The following SMTN variants were observed in gnomAD, a reference collection of about 807,000 sequenced individuals.
The protein encoded by SMTN is smoothelin.
In SMTN, 58 loss-of-function variants were observed where a neutral mutation model predicts 102.0. The observed-to-expected ratio is 0.57, with a 90% confidence interval of 0.46 to 0.71. The LOEUF is 0.71. Among genes scored for constraint, SMTN ranks in the 30% least tolerant of loss-of-function variants. The probability of loss-of-function intolerance (pLI) is 0.00; values close to 1 mark genes in which losing one functional copy is unlikely to be tolerated. For synonymous variants in SMTN, 478 were observed against 497.9 expected (o/e 0.96, Z 0.53); for missense variants, 1,185 against 1,241.7 (o/e 0.95, Z 0.69).
At chr22:31,099,520 C>G (rs1308894558) in intron 18 of SMTN, 2 of 594,142 alleles carry the variant, frequency 3.4e-6, no homozygotes. Context: ...ATAGCCTTAG[C>G]TGGGTGGCGC....
At chr22:31,098,545 G>A in intron 16 of SMTN, 122 bp from the exon 17 acceptor site, 1 of 897,034 alleles carries the variant, frequency 1.1e-6, no homozygotes, top group Non-Finnish European at 1.7e-6. Flanking sequence ...CTCCCTGGCA[G>A]GCGTTTGTGG....
At chr22:31,082,588 T>A in intron 1 of SMTN, 1 of 545,090 alleles carries the variant, frequency 1.8e-6, no homozygotes, top group South Asian at 1.5e-5. Flanking sequence ...GAATTCTGTA[T>A]GAATTGGCAG....
At chr22:31,082,859 C>T in intron 1 of SMTN, 1 of 1,530,888 alleles carries the variant, frequency 6.5e-7, no homozygotes. Context: ...TTGGGTGGGT[C>T]TTGCCAGGCC....
At chr22:31,091,566 C>A in intron 10 of SMTN, 84 bp downstream of exon 10, 1 of 1,507,616 alleles carries the variant, frequency 6.6e-7, no homozygotes, top group South Asian at 1.3e-5. Context: ...GCGGCCAGGA[C>A]TCAGGGTGTC....
intron 11 of SMTN, among the ~76,000 whole-genome samples, chr22:31,092,283 G>A (rs2043197105): frequency 1.3e-5 from 2 of 152,202 alleles, no homozygotes; most frequent in South Asian, 4.1e-4. Flanking sequence ...TCCAAGATCA[G>A]CCTGGCCCAT....
upstream of SMTN, among the ~76,000 whole-genome samples, chr22:31,077,103 T>C (rs1276620634): frequency 6.6e-6 from 1 of 152,210 alleles, no homozygotes; most frequent in East Asian, 1.9e-4. Flanking sequence ...TGGTAGAATA[T>C]GGTGATTAAG....
chr22:31,072,239 A>T (rs2042022338), intron 1 of SMTN, among the ~76,000 whole-genome samples: 1 of 152,060 alleles, frequency 6.6e-6, no homozygotes, highest in African/African-American at 2.4e-5. Context: ...ATAAGGTTGG[A>T]AGTATTAGCT....
chr22:31,075,658 G>A (rs1277446038), intron 1 of SMTN, among the ~76,000 whole-genome samples: 1 of 150,866 alleles, frequency 6.6e-6, no homozygotes, highest in Non-Finnish European at 1.5e-5. Context: ...TCTAGTCTGG[G>A]TGACAGAGCG....
At chr22:31,101,125 G>C in intron 20 of SMTN, 76 bp downstream of exon 20, 1 of 1,366,678 alleles carries the variant, frequency 7.3e-7, no homozygotes, top group African/African-American at 1.4e-5. Context: ...GTCCAGGGAG[G>C]CGGGTGGGGG....
At chr22:31,081,080 T>G (rs987676462), upstream of SMTN, among the ~76,000 whole-genome samples, 1 of 149,964 alleles carries the variant, frequency 6.7e-6, no homozygotes, top group African/African-American at 2.5e-5. Flanking sequence ...AGAGCCTGCG[T>G]CCCCCTGCCG....
rs2043938798 is a variant in SMTN, at chr22:31,099,962, C to T, written c.2603+66C>T. ...TGGGGCTGGACATCGGGACCAGGCC[C>T]AGTTGCCCTGAGAACCCCTGGAGCG... On this transcript the variant is annotated intron_variant, in intron 19 of 20. Transcript: ENST00000333137. The T allele has an allele frequency of 4.5e-6, 7 of 1,545,814 alleles. No homozygotes were observed. In the South Asian group the frequency reaches 8.1e-5, roughly 18 times the overall value.
At position 31,095,407 on chromosome 22, in the gene SMTN, C is replaced by T. The variant is rs777289625; in HGVS notation, c.1737C>T (p.Ser579=). 92 of 1,614,092 alleles carry T rather than the reference C, an allele frequency of 5.7e-5. No individual in the cohort carries two copies. Among genetic ancestry groups the T allele is most frequent in the South Asian group, 5.6e-4 (51 of 91,090 alleles). Residue 579 remains serine (S), a synonymous_variant, in exon 12 of 21, where the codon AGC becomes AGT. Coordinates refer to ENST00000333137, the MANE Select transcript of SMTN (RefSeq NM_134269.3). The surrounding 1 kb of genome is among the most constrained non-coding windows in gnomAD (Gnocchi z 4.1). Reference sequence around the variant, plus strand: ...CACCAGAAGGGCGGAGCCCTCTGAGCGCTGAGGAGCTGATGACTATTGAGG... The same window carrying T: ...CACCAGAAGGGCGGAGCCCTCTGAGTGCTGAGGAGCTGATGACTATTGAGG... ...NKAPEGRSPL[S]AEELMTIEDE...
At position 31,093,876 on chromosome 22, in the gene SMTN, C is replaced by T. The variant is rs745556466; in HGVS notation, c.1633-1427C>T. Reference sequence around the variant, plus strand: ...CCGGCACCACCCGCAGCACTAGTCTCGTAAGTGCTTCTGGGTTGGTGGGAG... The same window carrying T: ...CCGGCACCACCCGCAGCACTAGTCTTGTAAGTGCTTCTGGGTTGGTGGGAG... On this transcript the variant is annotated intron_variant, in intron 11 of 20. Transcript: ENST00000333137. 60 of 1,558,142 alleles carry T rather than the reference C, an allele frequency of 3.9e-5. 1 individual carries two copies. Among genetic ancestry groups the T allele is most frequent in the South Asian group, 3.3e-4 (28 of 84,416 alleles).
At chr22:31,102,522 AG>A (rs2147828712) in intron 20 of SMTN, 2 of 152,476 alleles carry the variant, frequency 1.3e-5, no homozygotes, top group Non-Finnish European at 2.9e-5. Flanking sequence ...TCAGAGAAGG[AG>A]CACAGATGAG....
intron 8 of SMTN, 108 bp from the exon 9 acceptor site, chr22:31,090,700 T>C (rs1193449097): frequency 2.3e-6 from 2 of 883,912 alleles, no homozygotes; most frequent in East Asian, 4.9e-5. Context: ...CAGGAAAGGG[T>C]GGGAAGCTAG....
Position 31,099,131 on chromosome 22 carries a change from C to A in SMTN, c.2403C>A (p.Ile801=), listed in dbSNP as rs1332374159. The stretch of plus-strand genomic sequence containing the variant: ...TCGGGGTCCCCAACGCCAACAGCAT[C>A]AAGCAGATGCTGCTGGACTGGTGTC... ...TSFGVPNANS[I]KQMLLDWCRA... is the part of the protein sequence containing the mutation. Residue 801 remains isoleucine (I), a synonymous_variant, in exon 18 of 21, where the codon ATC becomes ATA. Coordinates refer to ENST00000333137, the MANE Select transcript of SMTN (RefSeq NM_134269.3). 6.2e-7 allele frequency: 1 copy of A among 1,613,378 alleles called. No homozygotes were observed. The highest frequency in any genetic ancestry group is 1.1e-5 in the South Asian group (1 of 91,082).
rs1198660415 is a variant in SMTN, at chr22:31,070,034, G to T, written c.-386+5847G>T. Among the ~76,000 whole-genome samples the T allele has an allele frequency of 2.6e-5, 4 of 152,176 alleles. 1 individual carries two copies. In the South Asian group the frequency reaches 8.3e-4, roughly 32 times the overall value. On this transcript the variant is annotated intron_variant, in intron 1 of 3. Coordinates refer to the SMTN transcript ENST00000422839. Reference sequence around the variant, plus strand: ...TTGAGCAGGGGAGTGACATGTTGAAGAGGAAAGTGAAGCAGGCCACCTGTG... The same window carrying T: ...TTGAGCAGGGGAGTGACATGTTGAATAGGAAAGTGAAGCAGGCCACCTGTG...
Position 31,096,774 on chromosome 22 carries a change from C to G in SMTN, c.1903C>G (p.Arg635Gly). 1.3e-6 allele frequency: 2 copies of G among 1,559,948 alleles called. No homozygotes were observed. Among genetic ancestry groups the G allele is most frequent in the South Asian group, 1.2e-5 (1 of 82,870 alleles). ...KERERRLQEA[R>G]GRPGEGRGNT... ...GCGGGAACGGCGGCTGCAGGAGGCA[C>G]GGGGCCGGCCAGGGGAGGGGCGCGG... is the stretch of plus-strand genomic sequence containing the variant. Residue 635 changes from arginine to glycine, a missense_variant, in exon 14 of 21, where the codon CGG becomes GGG. Around this residue, in one of 2 missense-constraint regions of SMTN, gnomAD observed 1,096 missense variants for 1,112.7 expected, o/e 0.98. Coordinates refer to ENST00000333137, the MANE Select transcript of SMTN (RefSeq NM_134269.3).
intron 2 of SMTN, among the ~76,000 whole-genome samples, chr22:31,084,489 G>A (rs1013612573): frequency 6.6e-6 from 1 of 152,212 alleles, no homozygotes; most frequent in Non-Finnish European, 1.5e-5. Context: ...ATCACCGCAG[G>A]ATGTGTGCAG....
Sources: gnomAD v4.1 joint callset for allele counts (sites outside exome capture counted in the v4.1 genomes callset) on GRCh38, gnomAD v4.1.1 for gene constraint, gnomAD v4.1.1 regional missense constraint, Gnocchi (gnomAD v3.1) non-coding constraint, MANE v1.5 for transcripts, NCBI Gene and HGNC (gene_info 2026-07-23, HGNC 2026-07-21) for gene names.